The following CTPS2 variants were observed in gnomAD, a reference collection of about 807,000 sequenced individuals.
CTPS2 encodes CTP synthase II.
In CTPS2, 19 loss-of-function variants were observed where a neutral mutation model predicts 46.8. That is an observed-to-expected ratio of 0.41 (90% CI 0.28 to 0.60). CTPS2 has a LOEUF of 0.60. Among genes scored for constraint, CTPS2 ranks in the 20% least tolerant of loss-of-function variants. CTPS2 has a pLI of 0.35. For synonymous variants in CTPS2, 151 were observed against 165.2 expected (o/e 0.91, Z 0.66); for missense variants, 286 against 447.6 (o/e 0.64, Z 3.26).
At position 16,689,444 on chromosome X, in the gene CTPS2, G is replaced by T; in HGVS notation, c.872+6C>A. The T allele has an allele frequency of 8.3e-7, 1 of 1,206,439 alleles. No individual in the cohort carries two copies. The highest frequency in any genetic ancestry group is 1.7e-5 in the African/African-American group (1 of 57,619). ...AAAGATTATACAAGTAATTCCTTTC[G>T]CTTACCTGTCAGCCATATTTCTCCA... On this transcript the variant is annotated splice_donor_region_variant and intron_variant, in intron 8 of 18. Transcript: ENST00000359276.
chrX:16,641,747 CA>C (rs753730295), intron 13 of CTPS2, among the ~76,000 whole-genome samples: 1 of 111,510 alleles, frequency 9.0e-6, no homozygotes, highest in Non-Finnish European at 1.9e-5. Flanking sequence ...AAAATGTAAA[CA>C]AAAGAAAAGA....
chrX:16,619,611 T>C (rs1156437092), intron 15 of CTPS2, among the ~76,000 whole-genome samples: 2 of 110,786 alleles, frequency 1.8e-5, no homozygotes, highest in Non-Finnish European at 3.8e-5. Flanking sequence ...ACCTGGTGCC[T>C]GAGATAACAA....
At chrX:16,687,637 T>C (rs893044432) in intron 8 of CTPS2, among the ~76,000 whole-genome samples, 1 of 111,418 alleles carries the variant, frequency 9.0e-6, no homozygotes, top group Non-Finnish European at 1.9e-5. Flanking sequence ...GTGAAATGAC[T>C]GGCACTTTAA....
At chrX:16,651,186 G>T in intron 13 of CTPS2, 1 of 846,541 alleles carries the variant, frequency 1.2e-6, no homozygotes, top group Non-Finnish European at 1.7e-6. Context: ...CTGATGGTGG[G>T]AGGGGAGGGA....
chrX:16,617,899 C>T (rs1352905396), intron 15 of CTPS2, among the ~76,000 whole-genome samples: 1 of 111,924 alleles, frequency 8.9e-6, no homozygotes. Context: ...AGCTTTTATT[C>T]TACATTTTAA....
At chrX:16,666,243 C>T (rs1016924275) in intron 13 of CTPS2, among the ~76,000 whole-genome samples, 1 of 112,161 alleles carries the variant, frequency 8.9e-6, no homozygotes, top group Admixed American at 9.5e-5. Flanking sequence ...TCTTGCAGAA[C>T]TCGCTCTGTT....
intron 13 of CTPS2, among the ~76,000 whole-genome samples, chrX:16,643,502 C>T (rs923301008): frequency 6.3e-5 from 7 of 111,580 alleles, no homozygotes; most frequent in African/African-American, 2.0e-4. Context: ...CCACCACGCC[C>T]GGCCTCCTCT....
At chrX:16,638,124 A>G (rs57069703) in intron 14 of CTPS2, among the ~76,000 whole-genome samples, 6,833 of 109,251 alleles carry the variant, frequency 0.063, 225 homozygotes, top group African/African-American at 0.11. Flanking sequence ...GCGCGGTGGT[A>G]GGCGCCTGTA....
At chrX:16,628,216 A>C (rs1296279150) in intron 14 of CTPS2, among the ~76,000 whole-genome samples, 1 of 111,214 alleles carries the variant, frequency 9.0e-6, no homozygotes, top group African/African-American at 3.3e-5. Flanking sequence ...CATTTCTTTT[A>C]GTATCTAAAC....
At position 16,655,889 on chromosome X, in the gene CTPS2, G is replaced by A. The variant is rs867112728; in HGVS notation, c.1296+11625C>T. Among the ~76,000 whole-genome samples, 26 of 110,033 alleles carry A rather than the reference G, an allele frequency of 2.4e-4. No homozygotes were observed. The Middle Eastern group carries it at 0.014, about 59-fold the overall frequency. On this transcript the variant is annotated intron_variant, in intron 13 of 18. Coordinates refer to ENST00000359276, the MANE Select transcript of CTPS2 (RefSeq NM_175859.3). ...TGGCTCACTGCAACCTCCGCTTCCC[G>A]GGCTCAAGCAACTCTCCTGCCTCAG...
intron 13 of CTPS2, among the ~76,000 whole-genome samples, chrX:16,657,218 G>A (rs765949183): frequency 9.0e-4 from 78 of 86,573 alleles, no homozygotes; most frequent in African/African-American, 3.3e-3. Flanking sequence ...TTAATCTAAT[G>A]AACTTGAATG....
chrX:16,637,396 T>C, intron 14 of CTPS2, among the ~76,000 whole-genome samples: 1 of 111,906 alleles, frequency 8.9e-6, no homozygotes, highest in South Asian at 3.8e-4. Flanking sequence ...TTTTTGTATT[T>C]TTTGTAGAGG....
intron 1 of CTPS2, 72 bp from the exon 2 acceptor site, chrX:16,703,013 C>A: frequency 4.8e-6 from 3 of 618,712 alleles, no homozygotes; most frequent in Non-Finnish European, 4.7e-6. Flanking sequence ...GTGTATTCAA[C>A]CAGAATTAAT....
intron 1 of CTPS2, among the ~76,000 whole-genome samples, chrX:16,705,707 A>C (rs1273623521): frequency 9.0e-6 from 1 of 110,796 alleles, no homozygotes; most frequent in East Asian, 2.9e-4. Context: ...TGAGGCCAGA[A>C]GTTTGAGAAC....
chrX:16,672,134 G>C (rs1042272251), intron 10 of CTPS2, among the ~76,000 whole-genome samples: 3 of 111,318 alleles, frequency 2.7e-5, no homozygotes, highest in Non-Finnish European at 5.7e-5. Context: ...CTAAGAATAG[G>C]TTTGGCACTA....
intron 10 of CTPS2, among the ~76,000 whole-genome samples, chrX:16,675,428 T>A (rs895630409): frequency 1.8e-5 from 2 of 112,167 alleles, no homozygotes; most frequent in Non-Finnish European, 3.8e-5. Context: ...TTGGTATATT[T>A]GGTATAAAAA....
chrX:16,638,031 A>G (rs1316034032), intron 14 of CTPS2, among the ~76,000 whole-genome samples: 4 of 110,980 alleles, frequency 3.6e-5, no homozygotes, highest in Non-Finnish European at 5.7e-5. Context: ...CGAGGCGGGC[A>G]GATCATGAGG....
intron 4 of CTPS2, among the ~76,000 whole-genome samples, chrX:16,695,644 T>C (rs1360812230): frequency 1.8e-5 from 2 of 110,799 alleles, no homozygotes; most frequent in Non-Finnish European, 3.8e-5. Context: ...CTCCGCCTCC[T>C]GGGTGCACGC....
At chrX:16,691,237 T>C (rs1395467425) in intron 7 of CTPS2, among the ~76,000 whole-genome samples, 2 of 111,828 alleles carry the variant, frequency 1.8e-5, no homozygotes, top group African/African-American at 6.5e-5. Context: ...GAGAATTGCT[T>C]GAACCCAGGA....
Sources: gnomAD v4.1 joint callset for allele counts (sites outside exome capture counted in the v4.1 genomes callset) on GRCh38, gnomAD v4.1.1 for gene constraint, MANE v1.5 for transcripts, NCBI Gene and HGNC (gene_info 2026-07-23, HGNC 2026-07-21) for gene names.